Variants in CDH18 observed in about 807,000 individuals in gnomAD.
CDH18 encodes the protein cadherin-18.
A neutral mutation model predicts 67.9 loss-of-function variants in CDH18; 31 were observed. The ratio of observed to expected loss-of-function variants is 0.46; its 90% CI spans 0.34 to 0.62. The LOEUF is 0.62. Ranked by LOEUF, CDH18 falls within the 20% of genes least tolerant of loss-of-function variation. CDH18 has a pLI of 0.01. For synonymous variants in CDH18, 362 were observed against 347.2 expected (o/e 1.04, Z -0.48); for missense variants, 890 against 975.5 (o/e 0.91, Z 1.17).
intron 1 of CDH18, among the ~76,000 whole-genome samples, chr5:20,411,339 A>G (rs1216762239): frequency 8.5e-5 from 13 of 152,082 alleles, no homozygotes; most frequent in Admixed American, 8.5e-4. Flanking sequence ...CCTACAATAC[A>G]CAATAGGGAA....
chr5:20,171,628 A>G (rs1233345602), intron 2 of CDH18, among the ~76,000 whole-genome samples: 2 of 151,762 alleles, frequency 1.3e-5, no homozygotes, highest in African/African-American at 4.8e-5. Flanking sequence ...CCTTTTTCTG[A>G]TGCATAGTTT....
chr5:19,541,330 G>A (rs567452677), intron 9 of CDH18, among the ~76,000 whole-genome samples: 2 of 150,910 alleles, frequency 1.3e-5, no homozygotes, highest in African/African-American at 5.0e-5. Flanking sequence ...AAGTCTCCAG[G>A]ATGTTCCAAA....
At chr5:19,832,121 G>A (rs1426063970) in intron 3 of CDH18, among the ~76,000 whole-genome samples, 1 of 152,032 alleles carries the variant, frequency 6.6e-6, no homozygotes, top group African/African-American at 2.4e-5. Flanking sequence ...AGTAGAAAGG[G>A]GAGGAAGGGT....
intron 12 of CDH18, among the ~76,000 whole-genome samples, chr5:19,474,385 C>T (rs1738089640): frequency 6.6e-6 from 1 of 152,062 alleles, no homozygotes; most frequent in African/African-American, 2.4e-5. Flanking sequence ...CTTTATATAA[C>T]TTATTTATTT....
intron 5 of CDH18, among the ~76,000 whole-genome samples, chr5:19,674,141 T>C (rs910730769): frequency 3.3e-5 from 5 of 152,028 alleles, no homozygotes; most frequent in African/African-American, 1.2e-4. Flanking sequence ...GTGAATTTGG[T>C]GAGGAATAAG....
intron 1 of CDH18, among the ~76,000 whole-genome samples, chr5:20,291,776 T>C (rs1044264851): frequency 2.0e-5 from 3 of 152,166 alleles, no homozygotes; most frequent in Non-Finnish European, 2.9e-5. Context: ...GGTTTAAATA[T>C]CAATGTTACA....
At chr5:19,650,974 C>G (rs1235714660) in intron 5 of CDH18, among the ~76,000 whole-genome samples, 2 of 151,908 alleles carry the variant, frequency 1.3e-5, no homozygotes, top group Non-Finnish European at 2.9e-5. Context: ...TTATTACTAT[C>G]AATATGCTTT....
chr5:20,192,541 A>C (rs975661305), intron 2 of CDH18, among the ~76,000 whole-genome samples: 1 of 152,106 alleles, frequency 6.6e-6, no homozygotes, highest in African/African-American at 2.4e-5. Context: ...GGAGTAAGGA[A>C]GGGGTCCTGT....
In CDH18 at chr5:20,420,300, T is replaced by C. The variant is rs976497034; in HGVS notation, c.-580+155162A>G. ...TTACAAACTTTGGGCACTTGCTCTT[T>C]GTAAAGGTTAAATCCATCCACTAGA... On this transcript the variant is annotated intron_variant, in intron 1 of 14. Coordinates refer to the CDH18 transcript ENST00000507958. Among the ~76,000 whole-genome samples the C allele has an allele frequency of 4.0e-5, 6 of 151,268 alleles. 1 individual carries two copies. Among genetic ancestry groups the C allele is most frequent in the African/African-American group, 1.5e-4 (6 of 40,524 alleles).
At chr5:20,304,613 A>T in intron 1 of CDH18, 1 of 1,611,982 alleles carries the variant, frequency 6.2e-7, no homozygotes, top group Non-Finnish European at 8.5e-7. Flanking sequence ...CCCAAAACAG[A>T]GCTATCAACT....
rs114328420 is a variant in CDH18, at chr5:20,013,902, T to A, written c.-517-21888A>T. On this transcript the variant is annotated intron_variant, in intron 2 of 14. Transcript: ENST00000507958. Reference sequence around the variant, plus strand: ...TATTTGATACACTTTCCCCAAATGCTGTTAACAGCAAGAAAAATTTGTTTA... The same window carrying A: ...TATTTGATACACTTTCCCCAAATGCAGTTAACAGCAAGAAAAATTTGTTTA... 5.9e-3 allele frequency among the ~76,000 whole-genome samples: 893 copies of A among 152,254 alleles called. 6 individuals carry two copies. Among genetic ancestry groups the A allele is most frequent in the African/African-American group, 0.02 (847 of 41,574 alleles).
chr5:19,610,631 T>C (rs1419382513), intron 6 of CDH18, among the ~76,000 whole-genome samples: 2 of 152,132 alleles, frequency 1.3e-5, no homozygotes, highest in African/African-American at 4.8e-5. Flanking sequence ...TGGTAGAATC[T>C]ATTTGAAAAC....
chr5:20,188,834 A>C (rs1738305285), intron 2 of CDH18, among the ~76,000 whole-genome samples: 1 of 121,590 alleles, frequency 8.2e-6, no homozygotes. Flanking sequence ...AAGTCCCTTA[A>C]CTTATTTTCT....
chr5:20,415,197 G>A (rs1747187635), intron 1 of CDH18, among the ~76,000 whole-genome samples: 1 of 151,672 alleles, frequency 6.6e-6, no homozygotes, highest in Admixed American at 6.6e-5. Flanking sequence ...GCCAGCCTGG[G>A]CAATATGGTG....
intron 1 of CDH18, among the ~76,000 whole-genome samples, chr5:20,272,447 GT>G (rs149604799): frequency 6.6e-6 from 1 of 152,060 alleles, no homozygotes; most frequent in Non-Finnish European, 1.5e-5. Flanking sequence ...AGTAGATAAA[GT>G]TTTGTTTTCT....
intron 5 of CDH18, among the ~76,000 whole-genome samples, chr5:19,718,564 G>A (rs1229903994): frequency 2.0e-5 from 3 of 151,936 alleles, no homozygotes; most frequent in Admixed American, 6.6e-5. Context: ...TGTTGTTTGT[G>A]AAGACTAATG....
chr5:19,614,281 T>A (rs990686674), intron 5 of CDH18, among the ~76,000 whole-genome samples: 33 of 151,756 alleles, frequency 2.2e-4, no homozygotes, highest in African/African-American at 6.3e-4. Context: ...GAAAAGAAGA[T>A]CCCATAACTT....
chr5:20,321,813 T>C (rs1235350088), intron 1 of CDH18, among the ~76,000 whole-genome samples: 10 of 152,146 alleles, frequency 6.6e-5, no homozygotes, highest in Non-Finnish European at 1.3e-4. Flanking sequence ...AAATCATTAC[T>C]AGAAACTTTT....
chr5:20,162,575 T>C (rs988921467), intron 2 of CDH18, among the ~76,000 whole-genome samples: 1 of 150,132 alleles, frequency 6.7e-6, no homozygotes, highest in Non-Finnish European at 1.5e-5. Flanking sequence ...TTTGGCAGAC[T>C]TGTTTAAGGC....
Sources: allele counts gnomAD v4.1 joint callset (sites outside exome capture counted in the v4.1 genomes callset), GRCh38; gene constraint gnomAD v4.1.1; transcripts MANE v1.5; gene names NCBI Gene and HGNC (gene_info 2026-07-23, HGNC 2026-07-21).